Variants in TMEM175 observed in about 807,000 individuals in gnomAD.
The protein encoded by TMEM175 is endosomal/lysosomal proton channel TMEM175.
Under a neutral mutation model 36.5 loss-of-function variants are expected in TMEM175, and 36 were observed. The ratio of observed to expected loss-of-function variants is 0.99; its 90% CI spans 0.76 to 1.30. TMEM175 has a LOEUF of 1.30. Ranked by LOEUF, TMEM175 falls within the 50% of genes most tolerant of loss-of-function variation. The pLI, the probability that TMEM175 is intolerant of heterozygous loss-of-function variation, is 0.00. For synonymous variants in TMEM175, 339 were observed against 313.4 expected (o/e 1.08, Z -0.86); for missense variants, 705 against 692.8 (o/e 1.02, Z -0.20).
chr4:958,359 C>A lies in TMEM175; in HGVS notation c.1378C>A (p.Leu460Met). The A allele has an allele frequency of 6.2e-7, 1 of 1,603,670 alleles. No individual in the cohort carries two copies. The highest frequency in any genetic ancestry group is 1.3e-5 in the African/African-American group (1 of 75,058). Residue 460 changes from leucine (L) to methionine (M), a missense_variant, in exon 11 of 11, where the codon CTG (leucine) becomes ATG (methionine). Coordinates refer to ENST00000264771, the MANE Select transcript of TMEM175 (RefSeq NM_032326.4). ...LMQIAVPCAF[L>M]LLRLLVGLAL... is the part of the protein sequence containing the mutation. ...GCAGATCGCCGTGCCCTGCGCCTTC[C>A]TGTTGCTGCGCCTGCTCGTGGGCCT...
chr4:956,075 C>G, intron 10 of TMEM175, 185 bp downstream of exon 10: 1 of 835,528 alleles, frequency 1.2e-6, no homozygotes, highest in Non-Finnish European at 1.8e-6. Context: ...CCGGCGGCCC[C>G]TCCCTTCCCA....
intron 1 of TMEM175, among the ~76,000 whole-genome samples, chr4:933,422 G>A (rs568417117): frequency 2.6e-5 from 4 of 152,144 alleles, no homozygotes; most frequent in Admixed American, 2.6e-4. Context: ...CAGGAGAATC[G>A]CTTGAACCCG....
At chr4:946,232 C>G (rs1459290308) in intron 1 of TMEM175, 1 of 152,376 alleles carries the variant, frequency 6.6e-6, no homozygotes, top group Non-Finnish European at 1.5e-5. Flanking sequence ...TCCGTCACTC[C>G]TCTCCTAGGT....
Position 951,663 on chromosome 4 carries a change from A to G in TMEM175, c.343-19A>G. 1 of 1,613,786 alleles carries G rather than the reference A, an allele frequency of 6.2e-7. No individual in the cohort carries two copies. Among genetic ancestry groups the G allele is most frequent in the South Asian group, 1.1e-5 (1 of 91,066 alleles). ...CTCCCCAGGCCGCATCATGGCTGTG[A>G]TGCCCTCCCTCCCTCCAGGCCTGCA... On this transcript the variant is annotated intron_variant, in intron 5 of 10. Coordinates refer to ENST00000264771, the MANE Select transcript of TMEM175 (RefSeq NM_032326.4).
In TMEM175 at chr4:956,353, C is replaced by T. The variant is rs1187005737; in HGVS notation, c.842+463C>T. On this transcript the variant is annotated intron_variant, in intron 10 of 10. Coordinates refer to ENST00000264771, the MANE Select transcript of TMEM175 (RefSeq NM_032326.4). ...CCCTTTGGCTGGCTGTTGCTTCCTT[C>T]CAGCGTCTGCTCCTCCGCGGCCTCA... 3.1e-6 allele frequency: 4 copies of T among 1,291,180 alleles called. No individual in the cohort carries two copies. The East Asian group carries it at 2.2e-4, about 71-fold the overall frequency. 80.0% of individuals were successfully genotyped at this position (1,291,180 alleles called of 1,614,324 possible). A position where few individuals can be genotyped will look rare whatever the true frequency, so the allele number is the denominator to read the frequency against.
intron 10 of TMEM175, 132 bp downstream of exon 10, chr4:956,022 G>C (rs1729578026): frequency 1.4e-5 from 17 of 1,203,856 alleles, no homozygotes; most frequent in Non-Finnish European, 1.7e-5. Flanking sequence ...CTAGAGTTTT[G>C]TGTGAGGTCA....
At chr4:947,954 C>T (rs760510515) in intron 2 of TMEM175, 62 bp downstream of exon 2, 2 of 1,612,638 alleles carry the variant, frequency 1.2e-6, no homozygotes, top group Non-Finnish European at 1.7e-6. Context: ...ACTGCCCAGC[C>T]CACCTCAGAC....
chr4:957,982 TGCGCAAGGCCACGCG>T lies in TMEM175; in HGVS notation c.1003_1017del (p.Arg335_Arg339del). The T allele has an allele frequency of 6.2e-7, 1 of 1,612,904 alleles. No homozygotes were observed. Among genetic ancestry groups the T allele is most frequent in the Non-Finnish European group, 8.5e-7 (1 of 1,179,944 alleles). ...GCCCACCACTCACTCTTCCTGCATGTGCGCAAGGCCACGCGGGCCATGGGGCTGCTGAACACGCTC... is the reference window on the plus strand; with the variant it reads ...GCCCACCACTCACTCTTCCTGCATGTGGCCATGGGGCTGCTGAACACGCTC... On this transcript the variant is annotated inframe_deletion, in exon 11 of 11. Coordinates refer to ENST00000264771, the MANE Select transcript of TMEM175 (RefSeq NM_032326.4).
chr4:953,822 A>G (rs1221179071), intron 8 of TMEM175, among the ~76,000 whole-genome samples: 1 of 152,014 alleles, frequency 6.6e-6, no homozygotes, highest in Non-Finnish European at 1.5e-5. Flanking sequence ...AGTAGCTGGG[A>G]CTACAGGTGT....
intron 5 of TMEM175, 117 bp downstream of exon 5, chr4:951,375 G>A: frequency 8.2e-7 from 1 of 1,212,228 alleles, no homozygotes; most frequent in South Asian, 1.2e-5. Context: ...CTCGGAGCCT[G>A]GAATCTGTCC....
chr4:947,606 G>GC lies in TMEM175; in HGVS notation c.-31-94dup, dbSNP rs370234930. The GC allele has an allele frequency of 4.6e-3, 3,816 of 837,606 alleles. 2 individuals are homozygous for GC. The highest frequency in any genetic ancestry group is 6.4e-3 in the South Asian group (340 of 53,476). The allele number at this position is 837,606 out of a possible 1,614,324, so 51.9% of individuals were successfully genotyped here. A position where few individuals can be genotyped will look rare whatever the true frequency, so the allele number is the denominator to read the frequency against. On this transcript the variant is annotated intron_variant, in intron 1 of 10. Transcript: ENST00000264771. Reference sequence around the variant, plus strand: ...CCTTCCCCTGCTCAGTGGCGGCCAAGCCCCCCCCCATACCAGTCCCTGTCC... The same window carrying GC: ...CCTTCCCCTGCTCAGTGGCGGCCAAGCCCCCCCCCCATACCAGTCCCTGTCC...
At chr4:951,322 A>T in intron 5 of TMEM175, 64 bp downstream of exon 5, 1 of 1,581,420 alleles carries the variant, frequency 6.3e-7, no homozygotes, top group Non-Finnish European at 8.7e-7. Context: ...CTCAGGGAAG[A>T]GGGGAAGGGA....
At chr4:956,130 G>A (rs1729602024) in intron 10 of TMEM175, among the ~76,000 whole-genome samples, 1 of 132,908 alleles carries the variant, frequency 7.5e-6, no homozygotes, top group Non-Finnish European at 1.5e-5. Flanking sequence ...GCACAGCCGA[G>A]GATGGGGTGC....
At chr4:943,586 C>T (rs1194405757) in intron 1 of TMEM175, among the ~76,000 whole-genome samples, 1 of 152,142 alleles carries the variant, frequency 6.6e-6, no homozygotes, top group Non-Finnish European at 1.5e-5. Flanking sequence ...AACTGAGTAC[C>T]AGAGGAGATG....
Position 958,221 on chromosome 4 carries a change from C to T in TMEM175, c.1240C>T (p.Arg414Trp), listed in dbSNP as rs140597786. The T allele has an allele frequency of 4.1e-3, 6,561 of 1,602,586 alleles. 25 individuals are homozygous for T. Among genetic ancestry groups the T allele is most frequent in the Non-Finnish European group, 4.8e-3 (5,686 of 1,176,450 alleles). Residue 414 changes from arginine (R) to tryptophan (W), a missense_variant, in exon 11 of 11, where the codon CGG (arginine) becomes TGG (tryptophan). Transcript: ENST00000264771. Reference sequence around the variant, plus strand: ...GCAGCCCTCGGTGTGGTTTGGCGGCCGGGAGCATGTGCTCATGTTCGCCAA... The same window carrying T: ...GCAGCCCTCGGTGTGGTTTGGCGGCTGGGAGCATGTGCTCATGTTCGCCAA... ...TLQPSVWFGG[R>W]EHVLMFAKLA... is the part of the protein sequence containing the mutation.
intron 8 of TMEM175, among the ~76,000 whole-genome samples, chr4:954,321 G>T (rs539495608): frequency 6.6e-6 from 1 of 152,326 alleles, no homozygotes; most frequent in African/African-American, 2.4e-5. Flanking sequence ...ATACAAAACT[G>T]TGTCAGGACA....
At chr4:955,305 C>T in intron 8 of TMEM175, 100 bp from the exon 9 acceptor site, 1 of 885,044 alleles carries the variant, frequency 1.1e-6, no homozygotes, top group Non-Finnish European at 1.8e-6. Flanking sequence ...AAGACCCTCC[C>T]TTCTGCCGCA....
rs781702406 is a variant in TMEM175 at position 951,726 on chromosome 4, C to T, written c.378+9C>T. The stretch of plus-strand genomic sequence containing the variant: ...CCTTCCTGCCTTACACGGTGAGCAA[C>T]ACCAGGCCCCTGACACCCTGAGGCT... On this transcript the variant is annotated intron_variant, in intron 6 of 10. Transcript: ENST00000264771. 1 of 1,614,110 alleles carries T rather than the reference C, an allele frequency of 6.2e-7. No individual in the cohort carries two copies. The highest frequency in any genetic ancestry group is 8.5e-7 in the Non-Finnish European group (1 of 1,179,964).
intron 4 of TMEM175, 51 bp downstream of exon 4, chr4:950,569 T>G: frequency 7.3e-7 from 1 of 1,376,486 alleles, no homozygotes; most frequent in South Asian, 1.2e-5. Context: ...AAGGTTCCCG[T>G]ACCCCGCACC....
Sources: allele counts gnomAD v4.1 joint callset (sites outside exome capture counted in the v4.1 genomes callset), GRCh38; gene constraint gnomAD v4.1.1; transcripts MANE v1.5; gene names NCBI Gene and HGNC (gene_info 2026-07-23, HGNC 2026-07-21).